Variants in PDE8B observed in about 807,000 individuals in gnomAD.
PDE8B encodes the protein phosphodiesterase 8B, also known as high affinity cAMP-specific and IBMX-insensitive 3',5'-cyclic phosphodiesterase 8B.
Under a neutral mutation model 101.3 loss-of-function variants are expected in PDE8B, and 26 were observed. The observed-to-expected ratio is 0.26, with a 90% confidence interval of 0.19 to 0.36. The LOEUF is 0.36. PDE8B is among the 10% of genes least tolerant of loss of function. The probability of loss-of-function intolerance (pLI) is 1.00; values close to 1 mark genes in which losing one functional copy is unlikely to be tolerated. For synonymous variants in PDE8B, 424 were observed against 429.3 expected (o/e 0.99, Z 0.15); for missense variants, 810 against 1,163.1 (o/e 0.70, Z 4.42).
At chr5:77,150,915 T>A in the PDE8B span, among the ~76,000 whole-genome samples, 1 of 152,252 alleles carries the variant, frequency 6.6e-6, no homozygotes, top group Admixed American at 6.5e-5. Flanking sequence ...CAAGCCTGTC[T>A]GCCCCCTAAC....
chr5:77,244,332 T>A (rs1479426489), intron 1 of PDE8B, among the ~76,000 whole-genome samples: 1 of 152,116 alleles, frequency 6.6e-6, no homozygotes, highest in Non-Finnish European at 1.5e-5. Flanking sequence ...TGCCTTGGGT[T>A]CATGGCAGGG....
At chr5:77,116,224 ATTTTTTTTT>A in the PDE8B span, among the ~76,000 whole-genome samples, 2 of 59,610 alleles carry the variant, frequency 3.4e-5, no homozygotes, top group Admixed American at 2.2e-4. Context: ...ATATATATAT[ATTTTTTTTT>A]TTTTTTTTTT....
chr5:77,302,052 T>C (rs1413368828), intron 1 of PDE8B, among the ~76,000 whole-genome samples: 1 of 152,206 alleles, frequency 6.6e-6, no homozygotes, highest in Non-Finnish European at 1.5e-5. Flanking sequence ...TGAGTTTTTT[T>C]CTCATGACTG....
At chr5:77,272,928 G>A (rs1763086962) in intron 1 of PDE8B, among the ~76,000 whole-genome samples, 2 of 152,144 alleles carry the variant, frequency 1.3e-5, no homozygotes, top group Non-Finnish European at 2.9e-5. Context: ...AGGAGAGAAA[G>A]TGATGTTTTG....
intron 1 of PDE8B, among the ~76,000 whole-genome samples, chr5:77,259,744 G>A (rs2149688788): frequency 6.6e-6 from 1 of 152,362 alleles, no homozygotes; most frequent in East Asian, 1.9e-4. Context: ...GCTCAGGGTG[G>A]TGGGGGTATG....
chr5:77,269,987 T>A (rs1211918290), intron 1 of PDE8B, among the ~76,000 whole-genome samples: 1 of 152,196 alleles, frequency 6.6e-6, no homozygotes, highest in Non-Finnish European at 1.5e-5. Context: ...ATTTTAGGAT[T>A]TTTTTCTCTA....
chr5:77,357,313 G>A (rs1463654126), intron 10 of PDE8B, among the ~76,000 whole-genome samples: 1 of 152,142 alleles, frequency 6.6e-6, no homozygotes, highest in East Asian at 1.9e-4. Flanking sequence ...AAGTGGGGAT[G>A]GCTTATTCTC....
chr5:77,359,453 G>A (rs1043050631), intron 10 of PDE8B, among the ~76,000 whole-genome samples: 9 of 152,212 alleles, frequency 5.9e-5, no homozygotes, highest in South Asian at 2.1e-4. Context: ...CTCATGGCCC[G>A]CAGGACAGCA....
intron 10 of PDE8B, among the ~76,000 whole-genome samples, chr5:77,381,512 G>C (rs1035290057): frequency 1.3e-5 from 2 of 152,306 alleles, no homozygotes; most frequent in Non-Finnish European, 2.9e-5. Context: ...GGGTGTTGAA[G>C]GAGGCATCCA....
At chr5:77,112,012 A>G in the PDE8B span, 1 of 152,190 alleles carries the variant, frequency 6.6e-6, no homozygotes. Flanking sequence ...AAATTAAATT[A>G]TATGTTGTTT....
At chr5:77,155,578 C>G in the PDE8B span, among the ~76,000 whole-genome samples, 1 of 152,242 alleles carries the variant, frequency 6.6e-6, no homozygotes, top group South Asian at 2.1e-4. Flanking sequence ...ATTTCCTGAG[C>G]TTGTGGTAAA....
At chr5:77,101,037 A>T in the PDE8B span, among the ~76,000 whole-genome samples, 2 of 142,270 alleles carry the variant, frequency 1.4e-5, no homozygotes, top group African/African-American at 5.3e-5. Flanking sequence ...TGGCATAATC[A>T]TAGCCCATTG....
intron 1 of PDE8B, among the ~76,000 whole-genome samples, chr5:77,265,184 C>T (rs1041614873): frequency 3.9e-5 from 6 of 152,178 alleles, no homozygotes; most frequent in South Asian, 2.1e-4. Context: ...ATGGTTGGGG[C>T]GATGCTATAC....
At chr5:77,297,360 C>G (rs951395316) in intron 1 of PDE8B, among the ~76,000 whole-genome samples, 1 of 152,196 alleles carries the variant, frequency 6.6e-6, no homozygotes, top group African/African-American at 2.4e-5. Context: ...CACTCATCAT[C>G]TTTTGTCAAC....
chr5:77,301,026 C>T (rs1769804641), intron 1 of PDE8B, among the ~76,000 whole-genome samples: 1 of 152,186 alleles, frequency 6.6e-6, no homozygotes, highest in South Asian at 2.1e-4. Flanking sequence ...TTCATTACCC[C>T]TGGGGCCATC....
chr5:77,280,699 G>A (rs1337292600), intron 1 of PDE8B, among the ~76,000 whole-genome samples: 1 of 152,108 alleles, frequency 6.6e-6, no homozygotes, highest in African/African-American at 2.4e-5. Context: ...TTTGAGACCA[G>A]CCTGACCAAC....
chr5:77,399,244 A>G (rs959090982), intron 10 of PDE8B, among the ~76,000 whole-genome samples: 3 of 152,266 alleles, frequency 2.0e-5, no homozygotes, highest in African/African-American at 7.2e-5. Context: ...CACAAGGAAC[A>G]GTAGATAAAA....
intron 19 of PDE8B, among the ~76,000 whole-genome samples, chr5:77,420,108 C>T (rs186144582): frequency 3.3e-4 from 50 of 152,220 alleles, no homozygotes; most frequent in African/African-American, 1.2e-3. Flanking sequence ...TGAGAAAAAG[C>T]CAGTACTGAC....
chr5:77,319,316 CTT>C (rs1418593617), intron 2 of PDE8B, among the ~76,000 whole-genome samples: 22 of 152,342 alleles, frequency 1.4e-4, no homozygotes, highest in Admixed American at 1.4e-3. Flanking sequence ...TCATCAGTAA[CTT>C]ATCGCTTTTT....
Sources: allele counts gnomAD v4.1 joint callset (sites outside exome capture counted in the v4.1 genomes callset), GRCh38; gene constraint gnomAD v4.1.1; transcripts MANE v1.5; gene names NCBI Gene and HGNC (gene_info 2026-07-23, HGNC 2026-07-21).